Variants in ITGAM observed in about 807,000 individuals in gnomAD.
ITGAM encodes the protein integrin alpha-M.
Under a neutral mutation model 137.5 loss-of-function variants are expected in ITGAM, and 79 were observed. The ratio of observed to expected loss-of-function variants is 0.57; its 90% CI spans 0.48 to 0.69. The LOEUF (loss-of-function observed/expected upper bound fraction) is 0.69, where lower values mean the gene tolerates loss of function less well. ITGAM is among the 30% of genes least tolerant of loss of function. The pLI is 0.00. For synonymous variants in ITGAM, 583 were observed against 592.3 expected, an observed-to-expected ratio of 0.98 and a Z score of 0.23; for missense variants, 1,343 against 1,483.5, an observed-to-expected ratio of 0.91 and a Z score of 1.56.
intron 8 of ITGAM, among the ~76,000 whole-genome samples, chr16:31,274,084 GT>G (rs2079880446): frequency 6.6e-6 from 1 of 152,184 alleles, no homozygotes; most frequent in African/African-American, 2.4e-5. Context: ...GCAGGTTTGT[GT>G]TTTTCCACAA....
chr16:31,321,167 T>C (rs563926614), intron 14 of ITGAM, 74 bp from the exon 15 acceptor site: 1 of 1,548,968 alleles, frequency 6.5e-7, no homozygotes, highest in Admixed American at 1.7e-5. Context: ...GTCTGGGCCA[T>C]GCTGGATGAC....
chr16:31,289,863 C>T (rs1049331139), intron 12 of ITGAM, among the ~76,000 whole-genome samples: 1 of 152,040 alleles, frequency 6.6e-6, no homozygotes, highest in Non-Finnish European at 1.5e-5. Context: ...AGGTGGATCA[C>T]CTGAGGTCAG....
At chr16:31,260,380 C>T (rs2079686143) in intron 1 of ITGAM, among the ~76,000 whole-genome samples, 1 of 152,092 alleles carries the variant, frequency 6.6e-6, no homozygotes, top group Admixed American at 6.6e-5. Flanking sequence ...TGACATGGCT[C>T]AGGGTGCGCA....
At chr16:31,306,411 A>C (rs2080265279) in intron 14 of ITGAM, among the ~76,000 whole-genome samples, 1 of 152,210 alleles carries the variant, frequency 6.6e-6, no homozygotes, top group African/African-American at 2.4e-5. Context: ...GAATATTTGA[A>C]GCTAATATAG....
rs1253340752 is a variant in ITGAM at position 31,324,019 on chromosome 16, GAAAATAA to G, written c.2003-369_2003-363del. 7.4e-6 allele frequency among the ~76,000 whole-genome samples: 1 copy of G among 135,894 alleles called. No individual in the cohort carries two copies. The highest frequency in any genetic ancestry group is 7.6e-5 in the Admixed American group (1 of 13,110). The allele number at this position is 135,894 out of a possible 152,430, so 89.2% of individuals were successfully genotyped here. On this transcript the variant is annotated intron_variant, in intron 16 of 29. Coordinates refer to ENST00000544665, the MANE Select transcript of ITGAM (RefSeq NM_000632.4). The surrounding 1 kb of genome is among the most constrained non-coding windows in gnomAD (Gnocchi z 4.5). ...GAGAGTGAGATTCTGTCTCAAAAAA[GAAAATAA>G]AAAATAAAAAGAAAGGAAGGAAGGA...
intron 14 of ITGAM, among the ~76,000 whole-genome samples, chr16:31,319,839 A>G (rs11863627): frequency 0.73 from 110,054 of 150,290 alleles, 41,409 homozygotes; most frequent in African/African-American, 0.91. Flanking sequence ...TTGAGACGGA[A>G]TCTCATTCTG....
At position 31,327,977 on chromosome 16, in the gene ITGAM, G is replaced by GAGGGAT. The variant is rs2080525892; in HGVS notation, c.2709-169_2709-164dup. 10 of 607,518 alleles carry GAGGGAT rather than the reference G, an allele frequency of 1.6e-5. No individual in the cohort carries two copies. In the South Asian group the frequency reaches 1.7e-4, roughly 10 times the overall value. 37.6% of individuals were successfully genotyped at this position (607,518 alleles called of 1,614,324 possible). On this transcript the variant is annotated intron_variant, in intron 22 of 29. Coordinates refer to ENST00000544665, the MANE Select transcript of ITGAM (RefSeq NM_000632.4). ...AGGTGGTTGCAGACATCCAGCTGGA[G>GAGGGAT]AGGGATGGGCCTGGGCTAGGCGGGG...
rs1268539896 is a variant in ITGAM, at chr16:31,271,965, A to G, written c.677A>G (p.His226Arg). The change falls in exon 7 of 30, where the codon CAC (histidine) becomes CGC (arginine). Residue 226 changes from histidine to arginine, a missense_variant. His to Arg is a conservative substitution (Grantham distance 29). Transcript: ENST00000544665. ...KPITQLLGRTHTATGIRKVVR... is the reference protein window; with the variant it reads ...KPITQLLGRTRTATGIRKVVR... ...ATAACGCAGCTGCTTGGGCGGACAC[A>G]CACGGCCACGGGCATCCGCAAAGTG... 3.7e-6 allele frequency: 6 copies of G among 1,614,018 alleles called. No homozygotes were observed. The highest frequency in any genetic ancestry group is 5.1e-6 in the Non-Finnish European group (6 of 1,179,896).
chr16:31,261,108 T>G (rs1037455260), intron 1 of ITGAM, among the ~76,000 whole-genome samples: 2 of 151,912 alleles, frequency 1.3e-5, no homozygotes, highest in Non-Finnish European at 2.9e-5. Flanking sequence ...CTAACAGAGC[T>G]GGACCTGGGA....
At chr16:31,271,752 G>A in intron 6 of ITGAM, 95 bp from the exon 7 acceptor site, 2 of 1,453,264 alleles carry the variant, frequency 1.4e-6, no homozygotes, top group South Asian at 2.5e-5. Flanking sequence ...GGAATTTGGA[G>A]AGTGGAGTGT....
chr16:31,327,106 T>G (rs576154262), intron 22 of ITGAM, 171 bp downstream of exon 22: 157 of 662,016 alleles, frequency 2.4e-4, no homozygotes, highest in Non-Finnish European at 3.8e-4. Context: ...TGAGTGCTGG[T>G]GGGATGGTGG....
At chr16:31,327,004 G>T in intron 22 of ITGAM, 69 bp downstream of exon 22, 1 of 1,205,322 alleles carries the variant, frequency 8.3e-7, no homozygotes, top group Non-Finnish European at 1.2e-6. Context: ...CCCATGGTGG[G>T]CCTTTGCCCT....
intron 14 of ITGAM, among the ~76,000 whole-genome samples, chr16:31,302,428 C>CTTTCTTTCTTTCTTCTTTCTTTCT (rs71390270): frequency 1.6e-4 from 17 of 103,172 alleles, no homozygotes; most frequent in African/African-American, 9.4e-4. Context: ...TTCTTTCTTT[C>CTTTCTTTCTTTCTTCTTTCTTTCT]TTCTTTCTTT....
intron 22 of ITGAM, 179 bp from the exon 23 acceptor site, chr16:31,327,968 C>T (rs2080525796): frequency 3.4e-6 from 2 of 593,446 alleles, no homozygotes; most frequent in Non-Finnish European, 6.1e-6. Context: ...TTGCAGACAT[C>T]CAGCTGGAGA....
intron 2 of ITGAM, among the ~76,000 whole-genome samples, chr16:31,264,662 G>T (rs2079743726): frequency 6.6e-6 from 1 of 151,570 alleles, no homozygotes; most frequent in Non-Finnish European, 1.5e-5. Context: ...AAAAAAAATG[G>T]TTGGCCTGGG....
In ITGAM at chr16:31,331,245, C is replaced by G; in HGVS notation, c.3357C>G (p.Leu1119=). Residue 1119 remains leucine, a synonymous_variant, in exon 29 of 30, where the codon CTC becomes CTG. Coordinates refer to ENST00000544665, the MANE Select transcript of ITGAM (RefSeq NM_000632.4). ...IVGSSVGGLL[L]LALITAALYK... ...GCAGCTCTGTCGGGGGACTGCTGCT[C>G]CTGGCCCTCATCACCGCCGCGCTGT... 1 of 1,612,722 alleles carries G rather than the reference C, an allele frequency of 6.2e-7. No homozygotes were observed. The highest frequency in any genetic ancestry group is 1.1e-5 in the South Asian group (1 of 91,044).
Position 31,332,049 on chromosome 16 carries a change from C to T in ITGAM, c.*342C>T, listed in dbSNP as rs931226073. ...TGTGTGTGCTCAGGGGCGTGTGGCT[C>T]ACGTGTGTGACTCAGATGTCTCTGG... On this transcript the variant is annotated 3_prime_UTR_variant, in exon 30 of 30. Transcript: ENST00000544665. 2 of 267,838 alleles carry T rather than the reference C, an allele frequency of 7.5e-6. No individual in the cohort carries two copies. The highest frequency in any genetic ancestry group is 1.4e-5 in the Non-Finnish European group (2 of 140,386). The allele number at this position is 267,838 out of a possible 1,614,324, so 16.6% of individuals were successfully genotyped here. A position where few individuals can be genotyped will look rare whatever the true frequency, so the allele number is the denominator to read the frequency against.
At chr16:31,329,073 T>TACCCCCCCC in intron 23 of ITGAM, 155 bp from the exon 24 acceptor site, 1 of 426,236 alleles carries the variant, frequency 2.3e-6, no homozygotes, top group South Asian at 2.1e-5. Context: ...ACACATTGGT[T>TACCCCCCCC]CCCCCATCCC....
At chr16:31,271,130 A>G in intron 6 of ITGAM, 46 bp downstream of exon 6, 1 of 1,424,032 alleles carries the variant, frequency 7.0e-7, no homozygotes, top group East Asian at 2.6e-5. Context: ...ACGGGGCTGG[A>G]AGATACATGG....
Sources: allele counts gnomAD v4.1 joint callset (sites outside exome capture counted in the v4.1 genomes callset), GRCh38; gene constraint gnomAD v4.1.1; non-coding constraint Gnocchi (gnomAD v3.1); transcripts MANE v1.5; gene names NCBI Gene and HGNC (gene_info 2026-07-23, HGNC 2026-07-21).